FOXO1: variants seen among roughly 807,000 people sequenced by gnomAD.
The protein encoded by FOXO1 is forkhead box O1.
Under a neutral mutation model 44.1 loss-of-function variants are expected in FOXO1, and 6 were observed. That is an observed-to-expected ratio of 0.14 (90% CI 0.07 to 0.27). FOXO1 has a LOEUF of 0.27. Among genes scored for constraint, FOXO1 ranks in the 10% least tolerant of loss-of-function variants. FOXO1 has a pLI of 1.00. For missense variants in FOXO1, 737 were observed against 888.8 expected (o/e 0.83, Z 2.17); for synonymous variants, 380 against 362.7 (o/e 1.05, Z -0.54).
intron 1 of FOXO1, among the ~76,000 whole-genome samples, chr13:40,624,973 C>T (rs1177686872): frequency 2.0e-5 from 3 of 152,038 alleles, no homozygotes; most frequent in African/African-American, 7.2e-5. Context: ...GTTTTGGATG[C>T]TAGGTAAAAG....
intron 1 of FOXO1, among the ~76,000 whole-genome samples, chr13:40,601,166 T>G (rs1432118133): frequency 6.6e-6 from 1 of 152,202 alleles, no homozygotes; most frequent in East Asian, 1.9e-4. Flanking sequence ...ATTTGTTCAT[T>G]AAAGCCCAGT....
intron 1 of FOXO1, among the ~76,000 whole-genome samples, chr13:40,570,973 C>G (rs1874468278): frequency 6.6e-6 from 1 of 152,196 alleles, no homozygotes; most frequent in African/African-American, 2.4e-5. Flanking sequence ...GTATCAGGTG[C>G]TAATGTGGAC....
chr13:40,630,050 C>CA (rs1374179708), intron 1 of FOXO1, among the ~76,000 whole-genome samples: 1 of 151,974 alleles, frequency 6.6e-6, no homozygotes, highest in Non-Finnish European at 1.5e-5. Context: ...CCCACCACTT[C>CA]AAAAAAATTG....
chr13:40,617,689 T>C, intron 1 of FOXO1, among the ~76,000 whole-genome samples: 1 of 151,930 alleles, frequency 6.6e-6, no homozygotes, highest in East Asian at 1.9e-4. Flanking sequence ...ACCAAACATG[T>C]TGGGGGGAAA....
chr13:40,654,028 G>A (rs1877770817), intron 1 of FOXO1, among the ~76,000 whole-genome samples: 1 of 152,074 alleles, frequency 6.6e-6, no homozygotes, highest in South Asian at 2.1e-4. Context: ...AAGCATACAA[G>A]GGAAGCCCTC....
At position 40,557,820 on chromosome 13, in the gene FOXO1, T is replaced by G. The variant is rs1160530443; in HGVS notation, c.*1229A>C. ...CCATTGCTTTAGATGCAGATCTCCC[T>G]TTTCTGATCTACAAACATTATGAGG... On this transcript the variant is annotated 3_prime_UTR_variant, in exon 3 of 3. Transcript: ENST00000379561. 6.6e-6 allele frequency: 1 copy of G among 152,218 alleles called. No individual in the cohort carries two copies. Among genetic ancestry groups the G allele is most frequent in the Non-Finnish European group, 1.5e-5 (1 of 68,038 alleles). The allele number at this position is 152,218 out of a possible 1,614,324, so 9.4% of individuals were successfully genotyped here.
intron 1 of FOXO1, among the ~76,000 whole-genome samples, chr13:40,602,265 A>G (rs1472460998): frequency 6.6e-6 from 1 of 152,228 alleles, no homozygotes; most frequent in Admixed American, 6.5e-5. Context: ...CAGTGAATCT[A>G]AACATGTTCT....
At position 40,575,839 on chromosome 13, in the gene FOXO1, G is replaced by A. The variant is rs147196322; in HGVS notation, c.631-14979C>T. Among the ~76,000 whole-genome samples the A allele has an allele frequency of 1.6e-3, 250 of 152,282 alleles. 2 individuals are homozygous for A. Among genetic ancestry groups the A allele is most frequent in the Admixed American group, 6.0e-3 (92 of 15,310 alleles). ...GCACACGCAAAACAAGAAAGGAAAG[G>A]CCCTACGCTGGAATTGGGACGTGAA... On this transcript the variant is annotated intron_variant, in intron 1 of 2. Coordinates refer to ENST00000379561, the MANE Select transcript of FOXO1 (RefSeq NM_002015.4).
Position 40,665,764 on chromosome 13 carries a change from C to G in FOXO1, c.449G>C (p.Arg150Pro). 1 of 1,364,336 alleles carries G rather than the reference C, an allele frequency of 7.3e-7. No homozygotes were observed. The highest frequency in any genetic ancestry group is 1.9e-5 in the South Asian group (1 of 53,428). The allele number at this position is 1,364,336 out of a possible 1,614,324, so 84.5% of individuals were successfully genotyped here. ...AAAGPLAGQP[R>P]KSSSSRRNAW... The stretch of plus-strand genomic sequence containing the variant: ...GTTGCGGCGGGACGAGCTGCTCTTG[C>G]GCGGCTGCCCCGCGAGCGGCCCAGC... The change falls in exon 1 of 3, where the codon CGC (arginine) becomes CCC (proline). Residue 150 changes from arginine to proline, a missense_variant. By Grantham distance (103) the Arg-to-Pro change is moderately radical (BLOSUM62 -2). Around this residue, in one of 7 missense-constraint regions of FOXO1, gnomAD observed 213 missense variants for 236.4 expected, o/e 0.90. Transcript: ENST00000379561.
intron 1 of FOXO1, among the ~76,000 whole-genome samples, chr13:40,597,108 C>T (rs950477053): frequency 8.5e-5 from 13 of 152,306 alleles, no homozygotes; most frequent in South Asian, 2.1e-4. Flanking sequence ...ATTGATCACA[C>T]GGGGGAGCCT....
At chr13:40,580,920 A>T (rs183481441) in intron 1 of FOXO1, among the ~76,000 whole-genome samples, 1 of 152,340 alleles carries the variant, frequency 6.6e-6, no homozygotes, top group Admixed American at 6.5e-5. Flanking sequence ...GAAAGTATCT[A>T]CAGCACTGCT....
intron 1 of FOXO1, among the ~76,000 whole-genome samples, chr13:40,610,713 A>C (rs2137890301): frequency 6.6e-6 from 1 of 152,352 alleles, no homozygotes; most frequent in South Asian, 2.1e-4. Flanking sequence ...AATCCATTTT[A>C]AAAAGAAAAA....
chr13:40,611,544 T>G (rs1876231772), intron 1 of FOXO1, among the ~76,000 whole-genome samples: 1 of 152,178 alleles, frequency 6.6e-6, no homozygotes, highest in Non-Finnish European at 1.5e-5. Flanking sequence ...CTTGAAACAG[T>G]GATGCAGAGG....
chr13:40,561,482 G>A (rs752068249), intron 1 of FOXO1, among the ~76,000 whole-genome samples: 5 of 151,570 alleles, frequency 3.3e-5, no homozygotes, highest in Admixed American at 2.6e-4. Flanking sequence ...TTTAATAACC[G>A]CTTAAATTTT....
intron 1 of FOXO1, among the ~76,000 whole-genome samples, chr13:40,570,788 T>TG (rs1326962831): frequency 6.6e-6 from 1 of 152,172 alleles, no homozygotes; most frequent in Non-Finnish European, 1.5e-5. Context: ...GGAAGTGAAA[T>TG]GGAAGTCTCC....
rs542653025 is a variant in FOXO1 at position 40,666,256 on chromosome 13, G to C, written c.-44C>G. The C allele has an allele frequency of 7.4e-7, 1 of 1,349,690 alleles. No homozygotes were observed. Among genetic ancestry groups the C allele is most frequent in the African/African-American group, 1.5e-5 (1 of 65,652 alleles). 83.6% of individuals were successfully genotyped at this position (1,349,690 alleles called of 1,614,324 possible). On this transcript the variant is annotated 5_prime_UTR_variant, in exon 1 of 3. Transcript: ENST00000379561. Reference sequence around the variant, plus strand: ...CCCAGCCGCAGGAGAGCCAAGAGGGGGAGAACGCAGCACTGGGGGCGGACG... The same window carrying C: ...CCCAGCCGCAGGAGAGCCAAGAGGGCGAGAACGCAGCACTGGGGGCGGACG...
chr13:40,576,425 G>A (rs1401328104), intron 1 of FOXO1, among the ~76,000 whole-genome samples: 2 of 152,186 alleles, frequency 1.3e-5, no homozygotes, highest in Admixed American at 1.3e-4. Context: ...GCTCTGCTGG[G>A]AAAGCAGAAA....
chr13:40,666,537 G>A lies in FOXO1; in HGVS notation c.-325C>T, dbSNP rs1269149378. Reference sequence around the variant, plus strand: ...ACGGAAGGACGGACGGACGCCGCGGGCCGCTTGCTCTCCCCAGCGGCGCGC... The same window carrying A: ...ACGGAAGGACGGACGGACGCCGCGGACCGCTTGCTCTCCCCAGCGGCGCGC... On this transcript the variant is annotated 5_prime_UTR_variant, in exon 1 of 3. Coordinates refer to ENST00000379561, the MANE Select transcript of FOXO1 (RefSeq NM_002015.4). The A allele has an allele frequency of 3.7e-6, 1 of 268,646 alleles. No homozygotes were observed. Among genetic ancestry groups the A allele is most frequent in the African/African-American group, 2.2e-5 (1 of 46,060 alleles). 16.6% of individuals were successfully genotyped at this position (268,646 alleles called of 1,614,324 possible).
chr13:40,574,312 C>T (rs1383936131), intron 1 of FOXO1, among the ~76,000 whole-genome samples: 1 of 152,124 alleles, frequency 6.6e-6, no homozygotes, highest in Admixed American at 6.6e-5. Flanking sequence ...GAAGTCAGGG[C>T]GTGTATGTCT....
Sources: allele counts gnomAD v4.1 joint callset (sites outside exome capture counted in the v4.1 genomes callset), GRCh38; gene constraint gnomAD v4.1.1; regional missense constraint gnomAD v4.1.1; transcripts MANE v1.5; gene names NCBI Gene and HGNC (gene_info 2026-07-23, HGNC 2026-07-21).